The following SH3GLB2 variants were observed in gnomAD, a reference collection of about 807,000 sequenced individuals.
The protein encoded by SH3GLB2 is endophilin-B2.
Under a neutral mutation model 48.0 loss-of-function variants are expected in SH3GLB2, and 24 were observed. That is an observed-to-expected ratio of 0.50 (90% CI 0.36 to 0.70). SH3GLB2 has a LOEUF of 0.70. Among genes scored for constraint, SH3GLB2 ranks in the 30% least tolerant of loss-of-function variants. SH3GLB2 has a pLI of 0.00. For synonymous variants in SH3GLB2, 227 were observed against 207.6 expected (o/e 1.09, Z -0.80); for missense variants, 425 against 516.0 (o/e 0.82, Z 1.71).
Position 129,011,089 on chromosome 9 carries a change from G to A in SH3GLB2, c.625-396C>T. ...CTGAAGCTTTCTGTCCTCTGGCAGA[G>A]AAAGGTGGCCTCGTGCTTGAGTCAC... On this transcript the variant is annotated intron_variant, in intron 6 of 10. Coordinates refer to ENST00000372564, the MANE Select transcript of SH3GLB2 (RefSeq NM_020145.4). The surrounding 1 kb of genome is among the most constrained non-coding windows in gnomAD (Gnocchi z 4.5). 1 of 220,616 alleles carries A rather than the reference G, an allele frequency of 4.5e-6. No homozygotes were observed. The allele number at this position is 220,616 out of a possible 1,614,324, so 13.7% of individuals were successfully genotyped here.
chr9:129,025,186 G>A (rs1844072814), intron 1 of SH3GLB2, among the ~76,000 whole-genome samples: 1 of 149,742 alleles, frequency 6.7e-6, no homozygotes, highest in African/African-American at 2.5e-5. Flanking sequence ...TGAGGCAGGA[G>A]AATTGCTTGA....
chr9:129,008,771 C>G lies in SH3GLB2; in HGVS notation c.1101G>C (p.Leu367=), dbSNP rs1842910560. 1 of 1,613,960 alleles carries G rather than the reference C, an allele frequency of 6.2e-7. No individual in the cohort carries two copies. Among genetic ancestry groups the G allele is most frequent in the Non-Finnish European group, 8.5e-7 (1 of 1,179,980 alleles). ...LADELITVYS[L]PGMDPDWLIG... is the part of the protein sequence containing the mutation. Reference sequence around the variant, plus strand: ...TGAGCCAGTCAGGGTCCATGCCAGGCAGGCTGTAGACAGTGATGAGCTGCA... The same window carrying G: ...TGAGCCAGTCAGGGTCCATGCCAGGGAGGCTGTAGACAGTGATGAGCTGCA... The change falls in exon 11 of 11, where the codon CTG becomes CTC. Residue 367 remains leucine (L), a synonymous_variant. Transcript: ENST00000372564.
intron 5 of SH3GLB2, chr9:129,013,923 C>T: frequency 2.3e-6 from 1 of 430,902 alleles, no homozygotes; most frequent in South Asian, 1.7e-5. Flanking sequence ...TGGCCCAGGC[C>T]CTATCCAATC....
At position 129,014,395 on chromosome 9, in the gene SH3GLB2, G is replaced by A. The variant is rs1336771907; in HGVS notation, c.561+16C>T. 1 of 1,548,964 alleles carries A rather than the reference G, an allele frequency of 6.5e-7. No homozygotes were observed. ...GAGCCTGGGCCAGGAGGCCAGCGGG[G>A]AGCGGGGACACCTACCGTGGCTTTG... On this transcript the variant is annotated intron_variant, in intron 5 of 10. Transcript: ENST00000372564. The surrounding 1 kb of genome is among the most constrained non-coding windows in gnomAD (Gnocchi z 4.1).
intron 10 of SH3GLB2, 51 bp downstream of exon 10, chr9:129,009,055 G>T: frequency 6.3e-7 from 1 of 1,599,256 alleles, no homozygotes; most frequent in Non-Finnish European, 8.5e-7. Context: ...CAGTGCCCAG[G>T]CTGCTCCTCA....
At chr9:129,017,200 T>G (rs911652411) in intron 3 of SH3GLB2, among the ~76,000 whole-genome samples, 1 of 151,990 alleles carries the variant, frequency 6.6e-6, no homozygotes, top group Admixed American at 6.6e-5. Context: ...TCCAACCACT[T>G]TGACCTCCCA....
rs1419067353 is a variant in SH3GLB2, at chr9:129,009,237, G to A, written c.949C>T (p.Leu317=). ...AGCGAGGCCTCCCCCGGAGGGGCCA[G>A]GCTGGCCACAGAGGGCACCACAGGC... ...TMPVVPSVAS[L]APPGEASLCL... Residue 317 remains leucine (L), a synonymous_variant, in exon 10 of 11, where the codon CTG becomes TTG. Coordinates refer to ENST00000372564, the MANE Select transcript of SH3GLB2 (RefSeq NM_020145.4). 4.4e-6 allele frequency: 7 copies of A among 1,597,134 alleles called. No individual in the cohort carries two copies. Among genetic ancestry groups the A allele is most frequent in the Non-Finnish European group, 5.1e-6 (6 of 1,172,100 alleles).
At chr9:129,023,606 G>A (rs184127903) in intron 1 of SH3GLB2, among the ~76,000 whole-genome samples, 88 of 152,284 alleles carry the variant, frequency 5.8e-4, no homozygotes, top group African/African-American at 2.0e-3. Context: ...CACTGAGGCT[G>A]AGCAAGGGGC....
intron 1 of SH3GLB2, among the ~76,000 whole-genome samples, chr9:129,024,797 C>T (rs1029057433): frequency 4.0e-5 from 6 of 151,546 alleles, no homozygotes; most frequent in Non-Finnish European, 7.4e-5. Flanking sequence ...GGTGAAACCC[C>T]ATCTCTACTA....
chr9:129,008,903 C>T, intron 10 of SH3GLB2, 112 bp from the exon 11 acceptor site: 2 of 1,275,462 alleles, frequency 1.6e-6, no homozygotes, highest in South Asian at 1.3e-5. Flanking sequence ...ATGTGCTACA[C>T]CTTCAGTGGC....
At chr9:129,021,836 G>C (rs1011946464) in intron 2 of SH3GLB2, among the ~76,000 whole-genome samples, 8 of 151,956 alleles carry the variant, frequency 5.3e-5, no homozygotes, top group African/African-American at 1.9e-4. Context: ...GCATGTGCCT[G>C]TAGTCCCAGC....
At chr9:129,024,479 T>C (rs921933823) in intron 1 of SH3GLB2, among the ~76,000 whole-genome samples, 5 of 149,918 alleles carry the variant, frequency 3.3e-5, no homozygotes, top group African/African-American at 1.2e-4. Flanking sequence ...GAGAATGGCA[T>C]GAACCTGGGA....
chr9:129,018,358 A>G (rs1479943200), intron 3 of SH3GLB2, among the ~76,000 whole-genome samples: 2 of 149,020 alleles, frequency 1.3e-5, no homozygotes, highest in Non-Finnish European at 3.0e-5. Context: ...CGGGCGGATC[A>G]CAAGGTCAGG....
intron 1 of SH3GLB2, among the ~76,000 whole-genome samples, chr9:129,024,573 A>G (rs940926333): frequency 4.0e-5 from 6 of 150,404 alleles, no homozygotes; most frequent in African/African-American, 1.2e-4. Context: ...AAAAAAAAAA[A>G]TTAGCTGGGC....
At chr9:129,019,558 T>C (rs1050133995) in intron 3 of SH3GLB2, among the ~76,000 whole-genome samples, 6 of 150,636 alleles carry the variant, frequency 4.0e-5, no homozygotes, top group African/African-American at 1.5e-4. Flanking sequence ...ATACAAAAAT[T>C]AGCTGGGAGT....
chr9:129,013,891 T>C (rs1477587629), intron 5 of SH3GLB2: 4 of 375,952 alleles, frequency 1.1e-5, no homozygotes, highest in Non-Finnish European at 2.2e-5. Context: ...CTCAGTGAGC[T>C]GGGAGTGAAG....
chr9:129,009,022 T>C, intron 10 of SH3GLB2, 84 bp downstream of exon 10: 1 of 1,578,374 alleles, frequency 6.3e-7, no homozygotes, highest in Non-Finnish European at 8.6e-7. Context: ...ACAGGGCCCC[T>C]CCAGGCCCCA....
At chr9:129,023,355 AG>A (rs1564585855) in intron 1 of SH3GLB2, among the ~76,000 whole-genome samples, 1 of 152,172 alleles carries the variant, frequency 6.6e-6, no homozygotes, top group Non-Finnish European at 1.5e-5. Flanking sequence ...AACTGGTCCA[AG>A]TCCTGGCCCC....
At chr9:129,024,496 G>C (rs1486982129) in intron 1 of SH3GLB2, among the ~76,000 whole-genome samples, 3 of 150,976 alleles carry the variant, frequency 2.0e-5, no homozygotes, top group African/African-American at 7.3e-5. Flanking sequence ...GGGAGGCGGA[G>C]CTTGCAATGA....
Sources: gnomAD v4.1 joint callset for allele counts (sites outside exome capture counted in the v4.1 genomes callset) on GRCh38, gnomAD v4.1.1 for gene constraint, Gnocchi (gnomAD v3.1) non-coding constraint, MANE v1.5 for transcripts, NCBI Gene and HGNC (gene_info 2026-07-23, HGNC 2026-07-21) for gene names.